ADGRG7: variants seen among roughly 807,000 people sequenced by gnomAD.
ADGRG7 encodes G-protein coupled receptor 128.
In ADGRG7, 82 loss-of-function variants were observed where a neutral mutation model predicts 88.6. The ratio of observed to expected loss-of-function variants is 0.93; its 90% CI spans 0.77 to 1.11. The LOEUF is 1.11. Ranked by LOEUF, ADGRG7 falls within the 50% of genes most tolerant of loss-of-function variation. The probability of loss-of-function intolerance (pLI) is 0.00; values close to 1 mark genes in which losing one functional copy is unlikely to be tolerated. For synonymous variants in ADGRG7, 381 were observed against 345.2 expected (o/e 1.10, Z -1.15); for missense variants, 945 against 953.4 (o/e 0.99, Z 0.12).
At chr3:100,612,943 G>C (rs1182500976) in intron 1 of ADGRG7, among the ~76,000 whole-genome samples, 2 of 152,228 alleles carry the variant, frequency 1.3e-5, no homozygotes, top group East Asian at 1.9e-4. Context: ...AGGCTGGACT[G>C]TGGTGGCATG....
At chr3:100,640,884 T>C (rs1707632144) in intron 6 of ADGRG7, among the ~76,000 whole-genome samples, 1 of 152,164 alleles carries the variant, frequency 6.6e-6, no homozygotes, top group South Asian at 2.1e-4. Flanking sequence ...TTTGATCTCA[T>C]ATTGAAGGTC....
At chr3:100,670,336 G>A (rs2094956864) in intron 15 of ADGRG7, among the ~76,000 whole-genome samples, 1 of 152,140 alleles carries the variant, frequency 6.6e-6, no homozygotes, top group Admixed American at 6.5e-5. Flanking sequence ...ACAAATGACA[G>A]GATCTCATTC....
At chr3:100,689,228 T>C (rs1362654824) in intron 15 of ADGRG7, among the ~76,000 whole-genome samples, 1 of 152,208 alleles carries the variant, frequency 6.6e-6, no homozygotes, top group African/African-American at 2.4e-5. Flanking sequence ...TCCATTTGCT[T>C]GGTAGATCTT....
At chr3:100,613,498 A>T (rs1036145479) in intron 1 of ADGRG7, among the ~76,000 whole-genome samples, 1 of 151,818 alleles carries the variant, frequency 6.6e-6, no homozygotes, top group African/African-American at 2.4e-5. Flanking sequence ...CTCCTTAACC[A>T]GTCTTCCTTC....
At chr3:100,619,461 A>G (rs992692752) in intron 1 of ADGRG7, among the ~76,000 whole-genome samples, 1 of 152,196 alleles carries the variant, frequency 6.6e-6, no homozygotes, top group Non-Finnish European at 1.5e-5. Flanking sequence ...AGCAGGAAAG[A>G]TCTAAAATTG....
chr3:100,617,684 T>C (rs1320225059), intron 1 of ADGRG7, among the ~76,000 whole-genome samples: 1 of 152,208 alleles, frequency 6.6e-6, no homozygotes, highest in Non-Finnish European at 1.5e-5. Context: ...TATGTGTGCA[T>C]GTGTCTTTAT....
intron 15 of ADGRG7, among the ~76,000 whole-genome samples, chr3:100,670,822 T>C (rs957352648): frequency 6.6e-6 from 1 of 152,238 alleles, no homozygotes; most frequent in Non-Finnish European, 1.5e-5. Context: ...TTTGGTTTTC[T>C]GTCCTTGTGT....
In ADGRG7 at chr3:100,695,134, C is replaced by A; in HGVS notation, c.*133C>A. The A allele has an allele frequency of 1.1e-6, 1 of 890,450 alleles. No individual in the cohort carries two copies. Among genetic ancestry groups the A allele is most frequent in the Non-Finnish European group, 1.7e-6 (1 of 589,804 alleles). The allele number at this position is 890,450 out of a possible 1,614,324, so 55.2% of individuals were successfully genotyped here. A position where few individuals can be genotyped will look rare whatever the true frequency, so the allele number is the denominator to read the frequency against. Reference sequence around the variant, plus strand: ...GCTCAGGATTAAGAATTAGATAAAACCTGTTGTTTATTATTATTCGGCATA... The same window carrying A: ...GCTCAGGATTAAGAATTAGATAAAAACTGTTGTTTATTATTATTCGGCATA... On this transcript the variant is annotated 3_prime_UTR_variant, in exon 16 of 16. Coordinates refer to ENST00000273352, the MANE Select transcript of ADGRG7 (RefSeq NM_032787.3).
At chr3:100,643,882 T>C (rs906378484) in intron 8 of ADGRG7, among the ~76,000 whole-genome samples, 6 of 152,238 alleles carry the variant, frequency 3.9e-5, no homozygotes, top group Non-Finnish European at 5.9e-5. Context: ...GTTCAGGCCA[T>C]GTACACAAAT....
chr3:100,666,772 A>G (rs2094952408), intron 14 of ADGRG7, among the ~76,000 whole-genome samples: 1 of 152,162 alleles, frequency 6.6e-6, no homozygotes, highest in African/African-American at 2.4e-5. Context: ...GAAACCTTGG[A>G]CAATACCTGG....
Position 100,664,068 on chromosome 3 carries a change from A to G in ADGRG7, c.1979+4225A>G, listed in dbSNP as rs2094948829. Among the ~76,000 whole-genome samples, 3 of 152,234 alleles carry G rather than the reference A, an allele frequency of 2.0e-5. No homozygotes were observed. The South Asian group carries it at 6.2e-4, about 32-fold the overall frequency. On this transcript the variant is annotated intron_variant, in intron 14 of 15. Coordinates refer to ENST00000273352, the MANE Select transcript of ADGRG7 (RefSeq NM_032787.3). ...ACTCTCGACTGCCATGTATTCACCA[A>G]TTCAAGCAGATAGTCGGAATTTTTA...
intron 15 of ADGRG7, among the ~76,000 whole-genome samples, chr3:100,691,440 C>T (rs1277611199): frequency 3.3e-5 from 5 of 152,158 alleles, no homozygotes; most frequent in Non-Finnish European, 5.9e-5. Flanking sequence ...AGAAATCACC[C>T]ATCTTCTGCA....
chr3:100,686,195 A>G (rs1405215810), intron 15 of ADGRG7, among the ~76,000 whole-genome samples: 19 of 151,748 alleles, frequency 1.3e-4, no homozygotes, highest in Non-Finnish European at 2.1e-4. Context: ...GTCTGTTCAT[A>G]TCCTTTGCCC....
At chr3:100,659,439 CAAAAAAAAA>C (rs373835556) in intron 13 of ADGRG7, among the ~76,000 whole-genome samples, 28,340 of 81,310 alleles carry the variant, frequency 0.35, 3,718 homozygotes, top group Middle Eastern at 0.48. Context: ...GACTCAGTCT[CAAAAAAAAA>C]AAAAAAAAAA....
chr3:100,620,336 AG>A (rs1368945532), intron 1 of ADGRG7, among the ~76,000 whole-genome samples: 1 of 152,242 alleles, frequency 6.6e-6, no homozygotes, highest in Non-Finnish European at 1.5e-5. Context: ...GATGCAGAAA[AG>A]GCCTTTGACA....
chr3:100,615,026 A>G (rs1165659030), intron 1 of ADGRG7, among the ~76,000 whole-genome samples: 1 of 152,220 alleles, frequency 6.6e-6, no homozygotes, highest in Non-Finnish European at 1.5e-5. Flanking sequence ...TGTATTCCAA[A>G]ATATGGAGCC....
rs763221943 is a variant in ADGRG7, at chr3:100,649,720, C to T, written c.1292C>T (p.Pro431Leu). ...LMTFKKDYQY[P>L]KSLDILSNVG... is the part of the protein sequence containing the mutation. ...ACTTTCAAAAAGGATTATCAATATC[C>T]CAAATCACTTGACATATTATCCAAC... Residue 431 changes from proline to leucine, a missense_variant, in exon 11 of 16, where the codon CCC becomes CTC. Pro to Leu is a moderately conservative substitution (Grantham distance 98, BLOSUM62 -3). Transcript: ENST00000273352. 2.5e-6 allele frequency: 4 copies of T among 1,603,056 alleles called. No homozygotes were observed. The highest frequency in any genetic ancestry group is 3.4e-6 in the Non-Finnish European group (4 of 1,171,016).
At chr3:100,661,486 T>C (rs1199336077) in intron 14 of ADGRG7, among the ~76,000 whole-genome samples, 3 of 152,176 alleles carry the variant, frequency 2.0e-5, no homozygotes, top group Non-Finnish European at 4.4e-5. Context: ...AAACATGCAA[T>C]ATGAACTAGC....
At chr3:100,637,276 G>T in intron 5 of ADGRG7, 26 bp from the exon 6 acceptor site, 1 of 1,434,590 alleles carries the variant, frequency 7.0e-7, no homozygotes, top group Non-Finnish European at 9.8e-7. Flanking sequence ...ATGCTTCTCT[G>T]ATGATCAGTA....
Sources: gnomAD v4.1 joint callset for allele counts (sites outside exome capture counted in the v4.1 genomes callset) on GRCh38, gnomAD v4.1.1 for gene constraint, MANE v1.5 for transcripts, NCBI Gene and HGNC (gene_info 2026-07-23, HGNC 2026-07-21) for gene names.